LRRC31: variants seen among roughly 807,000 people sequenced by gnomAD.
The protein encoded by LRRC31 is leucine-rich repeat-containing protein 31.
A neutral mutation model predicts 46.7 loss-of-function variants in LRRC31; 35 were observed. That is an observed-to-expected ratio of 0.75 (90% confidence interval 0.57 to 0.99). The LOEUF is 0.99. LRRC31 is among the 50% of genes least tolerant of loss of function. The pLI is 0.00. For missense variants in LRRC31, 613 were observed against 626.1 expected (o/e 0.98, Z 0.22); for synonymous variants, 236 against 235.1 (o/e 1.00, Z -0.03).
chr3:169,856,278 A>G, intron 5 of LRRC31, 58 bp downstream of exon 5: 1 of 982,258 alleles, frequency 1.0e-6, no homozygotes. Context: ...ATATATATTT[A>G]TATGTATATC....
At chr3:169,860,115 G>A (rs1284332908) in intron 3 of LRRC31, among the ~76,000 whole-genome samples, 1 of 151,830 alleles carries the variant, frequency 6.6e-6, no homozygotes, top group Admixed American at 6.6e-5. Context: ...CTGCACTCCA[G>A]CCTGGGCAAC....
chr3:169,866,998 A>ATTT (rs200123445), intron 1 of LRRC31, among the ~76,000 whole-genome samples: 1 of 125,840 alleles, frequency 7.9e-6, no homozygotes, highest in East Asian at 2.1e-4. Flanking sequence ...CCATGGGTTG[A>ATTT]TTTTTTTTTT....
intron 7 of LRRC31, among the ~76,000 whole-genome samples, chr3:169,850,723 T>G (rs1227483182): frequency 1.3e-5 from 2 of 152,142 alleles, no homozygotes; most frequent in Non-Finnish European, 2.9e-5. Flanking sequence ...AGAGTTAAAT[T>G]GGTGAATGCA....
intron 8 of LRRC31, among the ~76,000 whole-genome samples, chr3:169,847,878 G>C (rs963665623): frequency 1.3e-5 from 2 of 152,324 alleles, no homozygotes; most frequent in Non-Finnish European, 2.9e-5. Context: ...TTGCCTTTCA[G>C]GAACCTCCCC....
intron 8 of LRRC31, among the ~76,000 whole-genome samples, chr3:169,844,753 G>C (rs1780553031): frequency 6.6e-6 from 1 of 152,066 alleles, no homozygotes; most frequent in Non-Finnish European, 1.5e-5. Context: ...CCAACATGGT[G>C]AAACCCCGTC....
rs774526425 is a variant in LRRC31, at chr3:169,860,644, G to A, written c.404C>T (p.Thr135Ile). ...CTTGCTGACCAGATGCATTTGCTGA[G>A]TGATGGAAAGGAGGGTTCCACCTAC... The part of the protein sequence containing the change: ...GFVGGTLLSI[T>I]QQMHLVSKLK... Residue 135 changes from threonine to isoleucine, a missense_variant, in exon 3 of 9, where the codon ACT becomes ATT. Thr to Ile is a moderately conservative substitution (Grantham distance 89). Coordinates refer to ENST00000316428, the MANE Select transcript of LRRC31 (RefSeq NM_024727.4). 3.1e-6 allele frequency: 5 copies of A among 1,614,158 alleles called. No homozygotes were observed. In the African/African-American group the frequency reaches 5.3e-5, roughly 17 times the overall value.
chr3:169,860,583 G>C lies in LRRC31; in HGVS notation c.465C>G (p.Thr155=). The C allele has an allele frequency of 1.2e-6, 2 of 1,614,118 alleles. No individual in the cohort carries two copies. The highest frequency in any genetic ancestry group is 1.7e-6 in the Non-Finnish European group (2 of 1,180,002). The change falls in exon 3 of 9, where the codon ACC becomes ACG. Residue 155 remains threonine (T), a synonymous_variant. Transcript: ENST00000316428. ...KILRLGSCRL[T]TDDVQALGEA... is the part of the protein sequence containing the mutation. ...TACCCAGTGCTTGAACATCGTCAGT[G>C]GTGAGTCTGCAGCTACCCAGCCTCA...
intron 8 of LRRC31, among the ~76,000 whole-genome samples, chr3:169,842,096 A>C (rs899441124): frequency 2.6e-5 from 4 of 151,998 alleles, no homozygotes; most frequent in Non-Finnish European, 4.4e-5. Flanking sequence ...TTTTGTTTGG[A>C]TTTTATAATG....
At chr3:169,857,198 T>G (rs1478006663) in intron 3 of LRRC31, among the ~76,000 whole-genome samples, 2 of 151,080 alleles carry the variant, frequency 1.3e-5, no homozygotes, top group East Asian at 3.9e-4. Flanking sequence ...TGCTTTCCCT[T>G]AGCCCCTCTC....
chr3:169,853,768 G>A (rs1434621461), intron 6 of LRRC31: 2 of 941,042 alleles, frequency 2.1e-6, no homozygotes, highest in Middle Eastern at 5.4e-4. Flanking sequence ...AAAGATAGAT[G>A]TATTAGACCT....
rs1397120022 is a variant in LRRC31, at chr3:169,861,667, G to T, written c.319+3C>A. ...CTCTATGCAAAGTCTGCTGCATACA[G>T]ACCCATTTCTTTCATGTCCGCTGTT... On this transcript the variant is annotated splice_donor_region_variant and intron_variant, in intron 2 of 8. Coordinates refer to ENST00000316428, the MANE Select transcript of LRRC31 (RefSeq NM_024727.4). 4 of 1,613,792 alleles carry T rather than the reference G, an allele frequency of 2.5e-6. No homozygotes were observed. The highest frequency in any genetic ancestry group is 3.3e-4 in the Middle Eastern group (2 of 6,062).
chr3:169,869,843 C>G lies in LRRC31; in HGVS notation c.-36G>C, dbSNP rs1335446654. 2 of 1,519,702 alleles carry G rather than the reference C, an allele frequency of 1.3e-6. No individual in the cohort carries two copies. Among genetic ancestry groups the G allele is most frequent in the Non-Finnish European group, 1.8e-6 (2 of 1,127,546 alleles). The allele number at this position is 1,519,702 out of a possible 1,614,324, so 94.1% of individuals were successfully genotyped here. A position where few individuals can be genotyped will look rare whatever the true frequency, so the allele number is the denominator to read the frequency against. The stretch of plus-strand genomic sequence containing the variant: ...ATGGGGGTAGTTCCCAATAAGACAT[C>G]TTCCTGTTGCTTTCTGTTTTCTAGG... On this transcript the variant is annotated 5_prime_UTR_variant, in exon 1 of 9. Transcript: ENST00000316428.
At chr3:169,853,249 T>C in intron 6 of LRRC31, 1 of 985,294 alleles carries the variant, frequency 1.0e-6, no homozygotes, top group Non-Finnish European at 1.2e-6. Context: ...ATAATTCCAT[T>C]TCTTTGGAGC....
At chr3:169,857,345 T>TACACACACAC (rs1180073387) in intron 3 of LRRC31, among the ~76,000 whole-genome samples, 2 of 89,450 alleles carry the variant, frequency 2.2e-5, no homozygotes, top group African/African-American at 9.4e-5. Flanking sequence ...TATATATATA[T>TACACACACAC]ACACACACAC....
intron 6 of LRRC31, chr3:169,853,459 C>G (rs557934140): frequency 2.0e-6 from 2 of 985,396 alleles, no homozygotes; most frequent in Non-Finnish European, 2.4e-6. Context: ...AAAGCTTAGT[C>G]CTCCGTTATA....
At position 169,839,923 on chromosome 3, in the gene LRRC31, G is replaced by A. The variant is rs1054581798; in HGVS notation, c.*59C>T. The A allele has an allele frequency of 3.0e-5, 41 of 1,385,342 alleles. No homozygotes were observed. In the East Asian group the frequency reaches 7.1e-4, roughly 24 times the overall value. The allele number at this position is 1,385,342 out of a possible 1,614,324, so 85.8% of individuals were successfully genotyped here. A position where few individuals can be genotyped will look rare whatever the true frequency, so the allele number is the denominator to read the frequency against. Reference sequence around the variant, plus strand: ...AATTCAGTTCATGACTCTGGAATTCGTTCATGTTCTTTTCCTTTGGAGAAT... The same window carrying A: ...AATTCAGTTCATGACTCTGGAATTCATTCATGTTCTTTTCCTTTGGAGAAT... On this transcript the variant is annotated 3_prime_UTR_variant, in exon 9 of 9. Transcript: ENST00000316428.
At chr3:169,868,468 A>G (rs1781397496) in intron 1 of LRRC31, among the ~76,000 whole-genome samples, 1 of 152,146 alleles carries the variant, frequency 6.6e-6, no homozygotes, top group African/African-American at 2.4e-5. Flanking sequence ...ATTTTTCTTC[A>G]TATCACTTAT....
At chr3:169,855,925 T>G (rs1412664560) in intron 5 of LRRC31, among the ~76,000 whole-genome samples, 1 of 152,060 alleles carries the variant, frequency 6.6e-6, no homozygotes, top group African/African-American at 2.4e-5. Flanking sequence ...ATTTTTGAGA[T>G]GGAGTCTCTT....
chr3:169,855,150 G>A (rs185251900), intron 5 of LRRC31, among the ~76,000 whole-genome samples, 170 bp from the exon 6 acceptor site: 11 of 152,224 alleles, frequency 7.2e-5, no homozygotes, highest in Non-Finnish European at 1.5e-4. Context: ...CGGGCTGGGC[G>A]TGATGACTCC....
Sources: allele counts gnomAD v4.1 joint callset (sites outside exome capture counted in the v4.1 genomes callset), GRCh38; gene constraint gnomAD v4.1.1; transcripts MANE v1.5; gene names NCBI Gene and HGNC (gene_info 2026-07-23, HGNC 2026-07-21).